The following SKAP1 variants were observed in gnomAD, a reference collection of about 807,000 sequenced individuals.
SKAP1 encodes src kinase associated phosphoprotein 1, also known as src kinase-associated phosphoprotein 1.
Under a neutral mutation model 58.5 loss-of-function variants are expected in SKAP1, and 44 were observed. That is an observed-to-expected ratio of 0.75 (90% CI 0.59 to 0.97). The LOEUF (loss-of-function observed/expected upper bound fraction) is 0.97. SKAP1 is among the 50% of genes least tolerant of loss of function. The pLI, the probability that SKAP1 is intolerant of heterozygous loss-of-function variation, is 0.00. For synonymous variants in SKAP1, 127 were observed against 149.7 expected (o/e 0.85, Z 1.11); for missense variants, 390 against 435.2 (o/e 0.90, Z 0.92).
chr17:48,195,021 A>G (rs77708407), intron 4 of SKAP1, among the ~76,000 whole-genome samples: 3,282 of 152,294 alleles, frequency 0.022, 117 homozygotes, highest in African/African-American at 0.073. Flanking sequence ...CTGCAGACAT[A>G]AACACAAACA....
intron 11 of SKAP1, among the ~76,000 whole-genome samples, chr17:48,155,189 A>G (rs2063958037): frequency 6.6e-6 from 1 of 150,630 alleles, no homozygotes; most frequent in Admixed American, 6.6e-5. Flanking sequence ...GTGCAATGGC[A>G]TGATCTTGGC....
chr17:48,295,165 C>T (rs937214667), intron 4 of SKAP1, among the ~76,000 whole-genome samples: 16 of 152,096 alleles, frequency 1.1e-4, no homozygotes, highest in African/African-American at 2.7e-4. Flanking sequence ...ATGTTTTGCA[C>T]GAAGCAACTG....
intron 4 of SKAP1, among the ~76,000 whole-genome samples, chr17:48,232,288 G>A (rs1339968688): frequency 6.6e-6 from 1 of 152,220 alleles, no homozygotes. Flanking sequence ...ATAAGGGACA[G>A]GAAATCTGAT....
At chr17:48,143,463 C>T (rs1598358522) in intron 11 of SKAP1, among the ~76,000 whole-genome samples, 1 of 152,002 alleles carries the variant, frequency 6.6e-6, no homozygotes, top group East Asian at 1.9e-4. Flanking sequence ...CCCCCAGCTT[C>T]AGGCTCCCAA....
intron 4 of SKAP1, among the ~76,000 whole-genome samples, chr17:48,239,846 GAGAC>G (rs200007154): frequency 0.25 from 15,330 of 61,870 alleles, 773 homozygotes; most frequent in East Asian, 0.47. Context: ...GAGAGAGAGA[GAGAC>G]AGAGAGAGAG....
chr17:48,227,817 C>G (rs901860584), intron 4 of SKAP1, among the ~76,000 whole-genome samples: 10 of 152,170 alleles, frequency 6.6e-5, no homozygotes, highest in African/African-American at 2.4e-4. Context: ...AGCTGTGAGA[C>G]TTCAGCGAAC....
Position 48,368,641 on chromosome 17 carries a change from G to A in SKAP1, c.153-4827C>T, listed in dbSNP as rs562945677. On this transcript the variant is annotated intron_variant, in intron 2 of 12. Transcript: ENST00000336915. ...TATCCATACTCAATATCATCAGGAC[G>A]ATGCAAATGATATTTGGAACTGAAA... Among the ~76,000 whole-genome samples the A allele has an allele frequency of 7.2e-5, 11 of 152,222 alleles. 1 individual carries two copies. The South Asian group carries it at 2.1e-3, about 29-fold the overall frequency.
intron 1 of SKAP1, among the ~76,000 whole-genome samples, chr17:48,400,174 C>A (rs62064554): frequency 0.33 from 49,985 of 150,244 alleles, 9,029 homozygotes; most frequent in African/African-American, 0.47. Flanking sequence ...TCTCAGCTCA[C>A]TGCAACCTCT....
chr17:48,350,688 C>T (rs1458776650), intron 3 of SKAP1, among the ~76,000 whole-genome samples: 2 of 152,084 alleles, frequency 1.3e-5, no homozygotes, highest in Non-Finnish European at 2.9e-5. Flanking sequence ...AAGAGTGAAA[C>T]TCCATCTCAA....
intron 4 of SKAP1, chr17:48,308,740 G>T (rs2066181219): frequency 6.6e-6 from 1 of 152,036 alleles, no homozygotes; most frequent in Non-Finnish European, 1.5e-5. Flanking sequence ...TAACCTTTGG[G>T]CAAGTTTCGT....
intron 2 of SKAP1, among the ~76,000 whole-genome samples, chr17:48,369,017 C>G (rs2067047978): frequency 6.6e-6 from 1 of 152,098 alleles, no homozygotes; most frequent in Non-Finnish European, 1.5e-5. Context: ...CGTAGTGGCG[C>G]ATGCCTGTAA....
At chr17:48,429,744 G>A (rs993396965) in intron 1 of SKAP1, among the ~76,000 whole-genome samples, 1 of 152,098 alleles carries the variant, frequency 6.6e-6, no homozygotes, top group African/African-American at 2.4e-5. Flanking sequence ...ACAGATGTAG[G>A]GCAGTCCTTT....
chr17:48,255,199 A>G (rs1013204950), intron 4 of SKAP1, among the ~76,000 whole-genome samples: 3 of 152,030 alleles, frequency 2.0e-5, no homozygotes, highest in Non-Finnish European at 4.4e-5. Context: ...TAATTAACAG[A>G]ATATAATTAA....
chr17:48,430,279 G>T, upstream of SKAP1: 1 of 431,442 alleles, frequency 2.3e-6, no homozygotes, highest in Non-Finnish European at 3.6e-6. Context: ...CCCCGGGCGC[G>T]TCAGGAAGTG....
intron 4 of SKAP1, among the ~76,000 whole-genome samples, chr17:48,205,662 A>T (rs151083157): frequency 6.6e-6 from 1 of 152,078 alleles, no homozygotes; most frequent in Non-Finnish European, 1.5e-5. Context: ...CTTCTGAATC[A>T]GGGGGGAGAA....
chr17:48,272,646 A>T (rs985245187), intron 4 of SKAP1, among the ~76,000 whole-genome samples: 6 of 151,996 alleles, frequency 3.9e-5, no homozygotes, highest in African/African-American at 1.4e-4. Flanking sequence ...ACCTCTGCCC[A>T]TTGGGCTCAA....
chr17:48,161,254 AAAG>A (rs2143277004), intron 11 of SKAP1, among the ~76,000 whole-genome samples: 1 of 152,362 alleles, frequency 6.6e-6, no homozygotes, highest in South Asian at 2.1e-4. Context: ...CACATAAAAA[AAAG>A]AAGAAAGATA....
chr17:48,244,018 T>C (rs2065268686), intron 4 of SKAP1, among the ~76,000 whole-genome samples: 1 of 152,102 alleles, frequency 6.6e-6, no homozygotes, highest in Non-Finnish European at 1.5e-5. Context: ...AACAAGGAAC[T>C]AAGAGAATAA....
intron 4 of SKAP1, among the ~76,000 whole-genome samples, chr17:48,245,228 G>A (rs973465002): frequency 2.0e-5 from 3 of 151,996 alleles, no homozygotes; most frequent in Non-Finnish European, 4.4e-5. Flanking sequence ...TGAATTTCTG[G>A]GATATAAGAT....
Sources: gnomAD v4.1 joint callset for allele counts (sites outside exome capture counted in the v4.1 genomes callset) on GRCh38, gnomAD v4.1.1 for gene constraint, MANE v1.5 for transcripts, NCBI Gene and HGNC (gene_info 2026-07-23, HGNC 2026-07-21) for gene names.